MBP: variants seen among roughly 807,000 people sequenced by gnomAD.
MBP encodes myelin basic protein, also known as Golli-MBP.
In MBP, 16 loss-of-function variants were observed where a neutral mutation model predicts 35.8. The ratio of observed to expected loss-of-function variants is 0.45; its 90% confidence interval spans 0.30 to 0.68. The LOEUF is 0.68. Among genes scored for constraint, MBP ranks in the 30% least tolerant of loss-of-function variants. The pLI is 0.08. For missense variants in MBP, 380 were observed against 404.7 expected (o/e 0.94, Z 0.52); for synonymous variants, 143 against 159.6 (o/e 0.90, Z 0.78).
intron 3 of MBP, among the ~76,000 whole-genome samples, chr18:77,054,268 C>T (rs1049513806): frequency 1.1e-4 from 17 of 152,342 alleles, no homozygotes; most frequent in South Asian, 6.2e-4. Flanking sequence ...GCAGAGCCCA[C>T]CTGCGCTGAC....
intron 2 of MBP, among the ~76,000 whole-genome samples, chr18:77,097,912 T>A (rs1280292512): frequency 3.1e-4 from 42 of 136,110 alleles, no homozygotes; most frequent in African/African-American, 7.5e-4. Context: ...AAATCTTTTT[T>A]TTAAAAAAAT....
chr18:77,031,366 ACCTGC>A (rs1972535913), intron 3 of MBP, among the ~76,000 whole-genome samples: 2 of 152,066 alleles, frequency 1.3e-5, no homozygotes, highest in South Asian at 4.2e-4. Context: ...GTGGGCCACC[ACCTGC>A]CCTGCCAGCC....
chr18:77,121,319 AAAAT>A (rs1197976349), intron 1 of MBP, among the ~76,000 whole-genome samples: 6 of 142,280 alleles, frequency 4.2e-5, no homozygotes, highest in African/African-American at 1.6e-4. Context: ...CAAAAAAAAA[AAAAT>A]AAATAAATAA....
intron 2 of MBP, among the ~76,000 whole-genome samples, chr18:77,089,161 C>G (rs546367460): frequency 6.6e-6 from 1 of 152,248 alleles, no homozygotes; most frequent in African/African-American, 2.4e-5. Context: ...CCGAACTACA[C>G]GGCCTGCCTT....
chr18:76,993,472 C>A (rs749390014), intron 4 of MBP, among the ~76,000 whole-genome samples: 1 of 151,334 alleles, frequency 6.6e-6, no homozygotes, highest in Non-Finnish European at 1.5e-5. Flanking sequence ...ATTGCTTGAA[C>A]CTCTGAGGCG....
chr18:77,027,607 A>G (rs541533343), intron 3 of MBP, among the ~76,000 whole-genome samples: 7 of 152,170 alleles, frequency 4.6e-5, no homozygotes, highest in Non-Finnish European at 7.3e-5. Context: ...GACAACTAAA[A>G]ACTTCCCCAC....
At chr18:77,112,467 G>C (rs986130709) in intron 1 of MBP, 1 of 152,236 alleles carries the variant, frequency 6.6e-6, no homozygotes, top group Admixed American at 6.5e-5. Flanking sequence ...CGGGGAGGGA[G>C]ATGCAGAAGT....
rs755226510 is a variant in MBP at position 76,984,744 on chromosome 18, G to A, written c.870+31C>T. On this transcript the variant is annotated intron_variant, in intron 8 of 8. Transcript: ENST00000355994. The stretch of plus-strand genomic sequence containing the variant: ...GGGATTCTGGGAGCCCTTAGTCCCC[G>A]CTCAGTGGAGCTGAGCAGAGGGTAC... 4.3e-6 allele frequency: 7 copies of A among 1,613,310 alleles called. No homozygotes were observed. In the East Asian group the frequency reaches 6.7e-5, roughly 15 times the overall value.
intron 1 of MBP, among the ~76,000 whole-genome samples, chr18:77,108,047 G>A (rs1976335170): frequency 6.6e-6 from 1 of 152,206 alleles, no homozygotes; most frequent in African/African-American, 2.4e-5. Flanking sequence ...TAAGTGAGAC[G>A]TGTCTCAAGG....
chr18:77,026,280 T>C (rs1473038118), intron 3 of MBP, among the ~76,000 whole-genome samples: 1 of 152,254 alleles, frequency 6.6e-6, no homozygotes, highest in Non-Finnish European at 1.5e-5. Flanking sequence ...GGCTATTGGA[T>C]GAGGCTCGCT....
At chr18:77,030,933 A>G (rs1297237186) in intron 3 of MBP, among the ~76,000 whole-genome samples, 3 of 152,232 alleles carry the variant, frequency 2.0e-5, no homozygotes, top group African/African-American at 7.2e-5. Flanking sequence ...GTTCAAGTCA[A>G]GTCCTTCGGG....
chr18:76,988,367 G>A lies in MBP; in HGVS notation c.750+128C>T. On this transcript the variant is annotated intron_variant, in intron 7 of 8. Coordinates refer to ENST00000355994, the MANE Select transcript of MBP (RefSeq NM_001025101.2). The surrounding 1 kb of genome is among the most constrained non-coding windows in gnomAD (Gnocchi z 5.2). Reference sequence around the variant, plus strand: ...CAAGGCGGCCCGATCCCAGCTGTGGGCAGAGAGGTCTCGAGAGGAGAGAAA... The same window carrying A: ...CAAGGCGGCCCGATCCCAGCTGTGGACAGAGAGGTCTCGAGAGGAGAGAAA... 2 of 1,612,346 alleles carry A rather than the reference G, an allele frequency of 1.2e-6. No individual in the cohort carries two copies.
intron 7 of MBP, chr18:76,985,818 G>A (rs751273602): frequency 1.7e-5 from 17 of 988,536 alleles, no homozygotes; most frequent in Non-Finnish European, 1.9e-5. Context: ...CCACTCCTCA[G>A]GTGGAGGCTG....
At chr18:77,016,602 C>A (rs1971653079) in intron 4 of MBP, 3 of 1,400,710 alleles carry the variant, frequency 2.1e-6, no homozygotes, top group East Asian at 2.6e-5. Context: ...CTGAGCCACA[C>A]CCCGGCCACC....
intron 7 of MBP, chr18:76,985,861 A>C: frequency 2.0e-6 from 2 of 988,924 alleles, no homozygotes; most frequent in Non-Finnish European, 2.4e-6. Flanking sequence ...GCTGTCATTT[A>C]TGGAAGAGCA....
chr18:77,052,469 A>G (rs1361912522), intron 3 of MBP, among the ~76,000 whole-genome samples: 1 of 152,132 alleles, frequency 6.6e-6, no homozygotes, highest in Non-Finnish European at 1.5e-5. Context: ...TGCCATTGTA[A>G]GGTTTGTATT....
intron 3 of MBP, among the ~76,000 whole-genome samples, chr18:77,022,956 G>A (rs1972052059): frequency 6.6e-6 from 1 of 152,184 alleles, no homozygotes; most frequent in African/African-American, 2.4e-5. Flanking sequence ...ATAGAGCAGA[G>A]CATTATTACA....
At chr18:77,099,089 T>C (rs1975893454) in intron 2 of MBP, among the ~76,000 whole-genome samples, 1 of 152,196 alleles carries the variant, frequency 6.6e-6, no homozygotes, top group South Asian at 2.1e-4. Flanking sequence ...ACATTGGACC[T>C]GTAAGCATCT....
At chr18:77,049,525 A>T (rs1599141831) in intron 3 of MBP, among the ~76,000 whole-genome samples, 1 of 152,032 alleles carries the variant, frequency 6.6e-6, no homozygotes, top group Non-Finnish European at 1.5e-5. Flanking sequence ...TATTTTGCCT[A>T]TTTGCATATT....
Sources: gnomAD v4.1 joint callset for allele counts (sites outside exome capture counted in the v4.1 genomes callset) on GRCh38, gnomAD v4.1.1 for gene constraint, Gnocchi (gnomAD v3.1) non-coding constraint, MANE v1.5 for transcripts, NCBI Gene and HGNC (gene_info 2026-07-23, HGNC 2026-07-21) for gene names.